Variants in CYP39A1 observed in about 807,000 individuals in gnomAD.
CYP39A1 encodes cytochrome P450 family 39 subfamily A member 1, also known as 24-hydroxycholesterol 7-alpha-hydroxylase.
Under a neutral mutation model 58.1 loss-of-function variants are expected in CYP39A1, and 49 were observed. The observed-to-expected ratio is 0.84, with a 90% CI of 0.67 to 1.07. The LOEUF is 1.07. Ranked by LOEUF, CYP39A1 falls within the 50% of genes least tolerant of loss-of-function variation. The pLI is 0.00. For synonymous variants in CYP39A1, 209 were observed against 187.6 expected (o/e 1.11, Z -0.93); for missense variants, 531 against 539.4 (o/e 0.98, Z 0.16).
chr6:46,627,885 C>A (rs1775418495), intron 6 of CYP39A1, among the ~76,000 whole-genome samples: 2 of 152,304 alleles, frequency 1.3e-5, no homozygotes, highest in South Asian at 4.1e-4. Context: ...TGTGCACCCA[C>A]ATTTGGGAAA....
intron 10 of CYP39A1, chr6:46,586,183 T>C (rs1190585138): frequency 2.1e-6 from 2 of 972,946 alleles, no homozygotes; most frequent in African/African-American, 3.5e-5. Context: ...AAGGATGGAA[T>C]GGATACTGCG....
At chr6:46,607,321 C>T (rs2150543139) in intron 7 of CYP39A1, among the ~76,000 whole-genome samples, 1 of 151,474 alleles carries the variant, frequency 6.6e-6, no homozygotes, top group South Asian at 2.1e-4. Context: ...AGAAAGAATG[C>T]TAACTTAAAT....
chr6:46,571,583 T>G (rs371378874), intron 10 of CYP39A1, among the ~76,000 whole-genome samples: 2 of 152,032 alleles, frequency 1.3e-5, no homozygotes, highest in East Asian at 1.9e-4. Flanking sequence ...TCTTTTTCCA[T>G]CCCCTTCACT....
At position 46,633,132 on chromosome 6, in the gene CYP39A1, G is replaced by C. The variant is rs57613945; in HGVS notation, c.733-2062C>G. Among the ~76,000 whole-genome samples, 375 of 152,156 alleles carry C rather than the reference G, an allele frequency of 2.5e-3. 2 individuals are homozygous for C. The highest frequency in any genetic ancestry group is 8.1e-3 in the African/African-American group (337 of 41,504). ...ATATGTAACACTATGCTTGCCACAA[G>C]GTAAGCACCCCAAAAATGTTAGCTA... On this transcript the variant is annotated intron_variant, in intron 5 of 11. Transcript: ENST00000275016.
chr6:46,569,528 T>C (rs913268175), intron 10 of CYP39A1, among the ~76,000 whole-genome samples: 2 of 152,086 alleles, frequency 1.3e-5, no homozygotes, highest in Non-Finnish European at 2.9e-5. Context: ...GCCTTTATTA[T>C]GTTGAAGTAC....
intron 10 of CYP39A1, among the ~76,000 whole-genome samples, chr6:46,561,905 G>A (rs1208728082): frequency 6.6e-6 from 1 of 152,076 alleles, no homozygotes. Flanking sequence ...AGGGGAGTTG[G>A]GGAAATGTTA....
At chr6:46,553,688 A>T in intron 11 of CYP39A1, 79 bp downstream of exon 11, 8 of 910,584 alleles carry the variant, frequency 8.8e-6, no homozygotes, top group Non-Finnish European at 9.0e-6. Context: ...CATCTCTAGT[A>T]ATCAAAATTG....
At chr6:46,578,970 AG>A (rs1395869286) in intron 10 of CYP39A1, among the ~76,000 whole-genome samples, 1 of 152,102 alleles carries the variant, frequency 6.6e-6, no homozygotes, top group Non-Finnish European at 1.5e-5. Flanking sequence ...CTATGAGGAC[AG>A]CATCACTCTG....
At chr6:46,595,860 A>T in intron 8 of CYP39A1, 127 bp downstream of exon 8, 1 of 936,850 alleles carries the variant, frequency 1.1e-6, no homozygotes, top group Non-Finnish European at 1.6e-6. Context: ...GTACAAGACA[A>T]ATATATAAAA....
intron 7 of CYP39A1, among the ~76,000 whole-genome samples, chr6:46,614,367 G>C (rs958681863): frequency 4.6e-5 from 7 of 152,172 alleles, no homozygotes; most frequent in Admixed American, 3.9e-4. Flanking sequence ...AAGAGGAGAG[G>C]TGTCATGGAA....
At chr6:46,600,791 G>C (rs950455935) in intron 7 of CYP39A1, among the ~76,000 whole-genome samples, 13 of 152,292 alleles carry the variant, frequency 8.5e-5, no homozygotes, top group African/African-American at 2.9e-4. Flanking sequence ...CATGTGTATA[G>C]TTTCTAATAT....
chr6:46,566,409 GGGAA>G (rs1771281827), intron 10 of CYP39A1, among the ~76,000 whole-genome samples: 2 of 152,256 alleles, frequency 1.3e-5, no homozygotes, highest in Admixed American at 1.3e-4. Flanking sequence ...GAAGGTGAAG[GGGAA>G]GGAAGGCACC....
intron 9 of CYP39A1, 122 bp downstream of exon 9, chr6:46,587,912 C>G: frequency 1.9e-6 from 1 of 532,592 alleles, no homozygotes. Context: ...CAACTTTGTT[C>G]TTAGTTACGA....
chr6:46,613,807 G>C (rs1324170192), intron 7 of CYP39A1, among the ~76,000 whole-genome samples: 1 of 150,294 alleles, frequency 6.7e-6, no homozygotes, highest in East Asian at 1.9e-4. Context: ...GCCTACACAG[G>C]AGCTAAACAT....
intron 10 of CYP39A1, among the ~76,000 whole-genome samples, chr6:46,577,801 T>C (rs760168105): frequency 3.9e-5 from 6 of 152,056 alleles, no homozygotes; most frequent in Non-Finnish European, 5.9e-5. Context: ...GAGGCTTATA[T>C]TGATACTTAC....
chr6:46,609,613 G>GA (rs1774083985), intron 7 of CYP39A1, among the ~76,000 whole-genome samples: 1 of 152,092 alleles, frequency 6.6e-6, no homozygotes, highest in South Asian at 2.1e-4. Context: ...AGGAAAAACA[G>GA]AAGGAGGTCC....
intron 10 of CYP39A1, chr6:46,586,408 A>G (rs1772476066): frequency 1.0e-6 from 1 of 979,608 alleles, no homozygotes; most frequent in Non-Finnish European, 1.2e-6. Flanking sequence ...AAATTCTATG[A>G]AGTCAGGGAC....
chr6:46,553,678 C>T (rs1770525821), intron 11 of CYP39A1, 89 bp downstream of exon 11: 9 of 833,130 alleles, frequency 1.1e-5, no homozygotes, highest in South Asian at 4.3e-5. Flanking sequence ...AATGTCAGCT[C>T]ATCTCTAGTA....
chr6:46,597,470 A>G (rs1032481063), intron 7 of CYP39A1, among the ~76,000 whole-genome samples: 1 of 152,172 alleles, frequency 6.6e-6, no homozygotes, highest in East Asian at 1.9e-4. Flanking sequence ...TAGATGAAAA[A>G]GAAAATATTT....
Sources: allele counts gnomAD v4.1 joint callset (sites outside exome capture counted in the v4.1 genomes callset), GRCh38; gene constraint gnomAD v4.1.1; transcripts MANE v1.5; gene names NCBI Gene and HGNC (gene_info 2026-07-23, HGNC 2026-07-21).